The following ACACB variants were observed in gnomAD, a reference collection of about 807,000 sequenced individuals.
ACACB encodes the protein acetyl-CoA carboxylase 2.
A neutral mutation model predicts 278.8 loss-of-function variants in ACACB; 209 were observed. The observed-to-expected ratio is 0.75, with a 90% CI of 0.67 to 0.84. The LOEUF is 0.84. Ranked by LOEUF, ACACB falls within the 40% of genes least tolerant of loss-of-function variation. The probability of loss-of-function intolerance (pLI) is 0.00; values close to 1 mark genes in which losing one functional copy is unlikely to be tolerated. For missense variants in ACACB, 2,850 were observed against 3,269.0 expected, an observed-to-expected ratio of 0.87 and a Z score of 3.13; for synonymous variants, 1,174 against 1,285.6, an observed-to-expected ratio of 0.91 and a Z score of 1.86.
intron 47 of ACACB, chr12:109,260,219 A>C (rs971231174): frequency 7.2e-7 from 1 of 1,394,310 alleles, no homozygotes; most frequent in African/African-American, 1.4e-5. Flanking sequence ...GGGCATTTCA[A>C]TTCCAGTTGG....
At chr12:109,210,475 G>T (rs1320845706) in intron 21 of ACACB, among the ~76,000 whole-genome samples, 1 of 145,248 alleles carries the variant, frequency 6.9e-6, no homozygotes, top group African/African-American at 2.5e-5. Context: ...GCACATACAT[G>T]TGTATATGTG....
intron 16 of ACACB, among the ~76,000 whole-genome samples, chr12:109,196,034 A>G (rs80340437): frequency 0.012 from 1,784 of 152,316 alleles, 39 homozygotes; most frequent in African/African-American, 0.041. Flanking sequence ...TAATGCTGCA[A>G]TACACATTCC....
rs1393436538 is a variant in ACACB at position 109,139,433 on chromosome 12, C to T, written c.28C>T (p.Leu10=). The T allele has an allele frequency of 1.9e-6, 3 of 1,613,956 alleles. No homozygotes were observed. The highest frequency in any genetic ancestry group is 8.5e-7 in the Non-Finnish European group (1 of 1,179,946). Residue 10 remains leucine, a synonymous_variant, in exon 2 of 53, where the codon CTG becomes TTG. Transcript: ENST00000338432. MVLLLCLSC[L]IFSCLTFSWL... ...GGTCTTGCTTCTTTGTCTATCTTGT[C>T]TGATTTTCTCCTGTCTGACCTTTTC...
chr12:109,179,402 C>T, intron 10 of ACACB, 105 bp downstream of exon 10: 1 of 1,227,586 alleles, frequency 8.1e-7, no homozygotes, highest in Non-Finnish European at 1.2e-6. Flanking sequence ...GCATGGGTGC[C>T]TAACAAGAGG....
At chr12:109,210,434 C>A (rs180783690) in intron 21 of ACACB, among the ~76,000 whole-genome samples, 1 of 120,088 alleles carries the variant, frequency 8.3e-6, no homozygotes, top group Non-Finnish European at 1.7e-5. Context: ...TGTATATACA[C>A]GCACATACAT....
chr12:109,210,050 T>TAC (rs796366389), intron 21 of ACACB, among the ~76,000 whole-genome samples: 1 of 97,766 alleles, frequency 1.0e-5, no homozygotes, highest in Non-Finnish European at 2.2e-5. Context: ...TGTGTATATA[T>TAC]ACACACACGT....
Position 109,216,787 on chromosome 12 carries a change from C to T in ACACB, c.3440-9C>T. On this transcript the variant is annotated splice_polypyrimidine_tract_variant and intron_variant, in intron 23 of 52. Coordinates refer to ENST00000338432, the MANE Select transcript of ACACB (RefSeq NM_001093.4). Reference sequence around the variant, plus strand: ...GCTTTACCTCTGTGTGGTGTTTTGTCTCCCCCAGCCCACTACGACAAGTGT... The same window carrying T: ...GCTTTACCTCTGTGTGGTGTTTTGTTTCCCCCAGCCCACTACGACAAGTGT... 6.2e-7 allele frequency: 1 copy of T among 1,614,072 alleles called. No individual in the cohort carries two copies. Among genetic ancestry groups the T allele is most frequent in the African/African-American group, 1.3e-5 (1 of 75,024 alleles).
In ACACB at chr12:109,191,848, C is replaced by G; in HGVS notation, c.2297C>G (p.Ala766Gly). 1 of 1,614,134 alleles carries G rather than the reference C, an allele frequency of 6.2e-7. No homozygotes were observed. Among genetic ancestry groups the G allele is most frequent in the Non-Finnish European group, 8.5e-7 (1 of 1,180,012 alleles). The change falls in exon 15 of 53, where the codon GCG becomes GGG. Residue 766 changes from alanine (A) to glycine (G), a missense_variant and splice_region_variant. Physicochemically the swap from Ala to Gly is moderately conservative, Grantham distance 60. This residue lies in a region of ACACB where 2,265 missense variants were observed against 2,561.3 expected (regional missense o/e 0.88). Coordinates refer to ENST00000338432, the MANE Select transcript of ACACB (RefSeq NM_001093.4). ...ATACTGAAGTGCATTTTCTCCTAGG[C>G]GGAGAAACCGGATATCATGCTTGGG... ...LDYLIAEKVQ[A>G]EKPDIMLGVV...
chr12:109,174,464 T>C (rs139370371), intron 7 of ACACB, among the ~76,000 whole-genome samples: 2 of 152,204 alleles, frequency 1.3e-5, no homozygotes, highest in East Asian at 3.9e-4. Flanking sequence ...ATGGAAATCA[T>C]TCATAATCCT....
At chr12:109,233,687 C>A in intron 29 of ACACB, 61 bp from the exon 30 acceptor site, 1 of 1,446,520 alleles carries the variant, frequency 6.9e-7, no homozygotes, top group Non-Finnish European at 9.7e-7. Flanking sequence ...GGCTTGGAAG[C>A]TTGACCTCAT....
At chr12:109,228,069 G>T (rs2046365640) in intron 28 of ACACB, among the ~76,000 whole-genome samples, 2 of 150,454 alleles carry the variant, frequency 1.3e-5, no homozygotes, top group South Asian at 4.2e-4. Context: ...ACACAGTAGT[G>T]GCTCACACCT....
intron 18 of ACACB, among the ~76,000 whole-genome samples, chr12:109,200,049 A>C (rs902073315): frequency 3.0e-4 from 46 of 151,274 alleles, no homozygotes; most frequent in African/African-American, 1.1e-3. Context: ...AAAAAAAAAA[A>C]CTTCAAAAAA....
intron 5 of ACACB, 123 bp from the exon 6 acceptor site, chr12:109,172,152 G>A (rs2044139884): frequency 1.0e-6 from 1 of 954,462 alleles, no homozygotes; most frequent in Non-Finnish European, 1.6e-6. Context: ...GAACTCCTGG[G>A]CTCAAGTGAT....
chr12:109,197,564 C>T (rs970423183), intron 17 of ACACB, among the ~76,000 whole-genome samples: 1 of 152,108 alleles, frequency 6.6e-6, no homozygotes, highest in South Asian at 2.1e-4. Context: ...GGGTGTGACT[C>T]GTGGAGCTTC....
intron 2 of ACACB, among the ~76,000 whole-genome samples, chr12:109,143,918 G>A (rs73197467): frequency 0.03 from 4,597 of 152,214 alleles, 115 homozygotes; most frequent in Non-Finnish European, 0.045. Flanking sequence ...GGTGACTCAC[G>A]CGTTTGGGGA....
chr12:109,232,181 C>T (rs542863668), intron 28 of ACACB, among the ~76,000 whole-genome samples: 2 of 152,328 alleles, frequency 1.3e-5, no homozygotes, highest in Non-Finnish European at 2.9e-5. Context: ...TGGTGAGCAG[C>T]CAGTTCTGGG....
At chr12:109,155,413 TTTTG>T in intron 2 of ACACB, among the ~76,000 whole-genome samples, 1 of 152,282 alleles carries the variant, frequency 6.6e-6, no homozygotes, top group Admixed American at 6.5e-5. Context: ...ACCTACTTGG[TTTTG>T]TTTCTTTCCT....
intron 1 of ACACB, among the ~76,000 whole-genome samples, chr12:109,124,106 T>C (rs1036802439): frequency 6.6e-6 from 1 of 152,126 alleles, no homozygotes; most frequent in Non-Finnish European, 1.5e-5. Flanking sequence ...CATAATTATA[T>C]CTATCTAACA....
chr12:109,200,392 C>A (rs2045295964), intron 18 of ACACB, among the ~76,000 whole-genome samples: 1 of 152,082 alleles, frequency 6.6e-6, no homozygotes, highest in African/African-American at 2.4e-5. Context: ...CGTCATGCTG[C>A]TCAAGCTGGT....
Sources: allele counts gnomAD v4.1 joint callset (sites outside exome capture counted in the v4.1 genomes callset), GRCh38; gene constraint gnomAD v4.1.1; regional missense constraint gnomAD v4.1.1; transcripts MANE v1.5; gene names NCBI Gene and HGNC (gene_info 2026-07-23, HGNC 2026-07-21).